The following RNF212B variants were observed in gnomAD, a reference collection of about 807,000 sequenced individuals.
The protein encoded by RNF212B is ring finger protein 212B.
In RNF212B, 52 loss-of-function variants were observed where a neutral mutation model predicts 55.5. The ratio of observed to expected loss-of-function variants is 0.94; its 90% CI spans 0.75 to 1.18. The LOEUF (loss-of-function observed/expected upper bound fraction) is 1.18. RNF212B is among the 50% of genes most tolerant of loss of function. The pLI is 0.00. For missense variants in RNF212B, 289 were observed against 350.4 expected, an observed-to-expected ratio of 0.82 and a Z score of 1.40; for synonymous variants, 99 against 121.4, an observed-to-expected ratio of 0.82 and a Z score of 1.21.
upstream of RNF212B, among the ~76,000 whole-genome samples, chr14:23,234,159 C>CTT (rs974270125): frequency 6.7e-6 from 1 of 148,594 alleles, no homozygotes; most frequent in Non-Finnish European, 1.5e-5. Flanking sequence ...CTGTTGGTCT[C>CTT]TTTTTTTTTT....
chr14:23,226,812 C>CTT (rs111452590), intron 2 of RNF212B, among the ~76,000 whole-genome samples: 5,409 of 128,692 alleles, frequency 0.042, 407 homozygotes, highest in African/African-American at 0.14. Context: ...TCTTCTTCTT[C>CTT]TTTTTTTTTT....
chr14:23,264,786 G>A, intron 11 of RNF212B, 115 bp downstream of exon 11: 1 of 475,258 alleles, frequency 2.1e-6, no homozygotes, highest in Non-Finnish European at 3.4e-6. Context: ...TTTCCTGACA[G>A]TGATTCCATG....
At chr14:23,261,651 T>C (rs1885300541) in intron 7 of RNF212B, among the ~76,000 whole-genome samples, 1 of 152,186 alleles carries the variant, frequency 6.6e-6, no homozygotes, top group Non-Finnish European at 1.5e-5. Flanking sequence ...ATCTATGCTC[T>C]ACCAACTCTT....
intron 2 of RNF212B, among the ~76,000 whole-genome samples, chr14:23,217,819 TCAGA>T (rs1213748070): frequency 6.6e-6 from 1 of 151,956 alleles, no homozygotes; most frequent in Non-Finnish European, 1.5e-5. Context: ...TCACCAGTTC[TCAGA>T]CACTGATGAA....
rs151221630 is a variant in RNF212B, at chr14:23,189,840, T to G, written c.-78-3485T>G. Among the ~76,000 whole-genome samples, 185 of 152,216 alleles carry G rather than the reference T, an allele frequency of 1.2e-3. 1 individual carries two copies. Among genetic ancestry groups the G allele is most frequent in the Middle Eastern group, 3.4e-3 (1 of 294 alleles). ...GTGAAAAAATGAACAGAACTTCCCT[T>G]GATGCTCTATTCCTTTCAGCTACCA... On this transcript the variant is annotated intron_variant, in intron 1 of 15. Transcript: ENST00000399910.
chr14:23,196,215 T>C (rs1878660133), intron 2 of RNF212B, among the ~76,000 whole-genome samples: 1 of 152,018 alleles, frequency 6.6e-6, no homozygotes, highest in Non-Finnish European at 1.5e-5. Flanking sequence ...TGCCGAAAAA[T>C]TTCTTTCTGA....
chr14:23,241,460 G>A (rs1040587045), intron 2 of RNF212B, among the ~76,000 whole-genome samples: 10 of 151,992 alleles, frequency 6.6e-5, no homozygotes, highest in Middle Eastern at 3.2e-3. Flanking sequence ...GTCTCACTTC[G>A]TCACCCAGGC....
chr14:23,216,899 A>AAAAAAAAAAAAAC, intron 2 of RNF212B, among the ~76,000 whole-genome samples: 2 of 151,338 alleles, frequency 1.3e-5, no homozygotes, highest in Admixed American at 1.3e-4. Flanking sequence ...AAAAAAAAAA[A>AAAAAAAAAAAAAC]AAAAAGACCA....
intron 11 of RNF212B, among the ~76,000 whole-genome samples, chr14:23,267,147 C>A (rs1885764318): frequency 6.6e-6 from 1 of 151,290 alleles, no homozygotes; most frequent in Admixed American, 6.6e-5. Context: ...TTTTTTATTT[C>A]AATTTTCATG....
intron 4 of RNF212B, among the ~76,000 whole-genome samples, chr14:23,257,508 T>C (rs1566434578): frequency 6.6e-6 from 1 of 152,074 alleles, no homozygotes; most frequent in Non-Finnish European, 1.5e-5. Flanking sequence ...GAAAATTAAG[T>C]GAGAACAAAA....
At chr14:23,259,107 G>A (rs1566435936) in intron 5 of RNF212B, among the ~76,000 whole-genome samples, 1 of 151,760 alleles carries the variant, frequency 6.6e-6, no homozygotes, top group Admixed American at 6.6e-5. Context: ...CCAGAAGATC[G>A]TTTGAGCCCA....
intron 4 of RNF212B, among the ~76,000 whole-genome samples, chr14:23,256,663 C>T (rs748299956): frequency 1.3e-5 from 2 of 152,122 alleles, no homozygotes; most frequent in African/African-American, 4.8e-5. Context: ...TGAGCCACCA[C>T]GCCTGGCCTC....
Position 23,268,923 on chromosome 14 carries a change from G to A in RNF212B, c.635-1G>A, listed in dbSNP as rs773704853. ...CACAGGCTTATTTTTATGCTTTCCAGAAACCCCTTCACCGGCTTCAACTCA... is the reference window on the plus strand; with the variant it reads ...CACAGGCTTATTTTTATGCTTTCCAAAAACCCCTTCACCGGCTTCAACTCA... On this transcript the variant is annotated splice_acceptor_variant, in intron 11 of 14. Coordinates refer to ENST00000430154, the MANE Select transcript of RNF212B (RefSeq NM_001282322.3). LOFTEE classifies it high-confidence loss of function. The A allele has an allele frequency of 1.2e-5, 18 of 1,550,072 alleles. No individual in the cohort carries two copies. Among genetic ancestry groups the A allele is most frequent in the Non-Finnish European group, 1.4e-5 (16 of 1,146,408 alleles).
At chr14:23,227,457 C>T (rs1882135288) in intron 2 of RNF212B, among the ~76,000 whole-genome samples, 1 of 151,958 alleles carries the variant, frequency 6.6e-6, no homozygotes, top group Non-Finnish European at 1.5e-5. Context: ...TGGCTGATTA[C>T]ATGGGTGTGT....
intron 2 of RNF212B, among the ~76,000 whole-genome samples, chr14:23,200,908 T>A (rs974114849): frequency 2.6e-5 from 4 of 152,226 alleles, no homozygotes; most frequent in African/African-American, 9.6e-5. Flanking sequence ...TGCAACTAAC[T>A]GTATTGCCAA....
chr14:23,205,968 T>C (rs1002223082), intron 2 of RNF212B, among the ~76,000 whole-genome samples: 1 of 152,238 alleles, frequency 6.6e-6, no homozygotes, highest in Non-Finnish European at 1.5e-5. Context: ...GCAAACAAAG[T>C]GTATGCTGGC....
chr14:23,268,043 T>C (rs750775625), intron 11 of RNF212B, among the ~76,000 whole-genome samples: 5 of 152,220 alleles, frequency 3.3e-5, no homozygotes, highest in Non-Finnish European at 7.3e-5. Flanking sequence ...CCAGCTGATA[T>C]TTATCTCCTT....
chr14:23,271,449 A>G (rs1261547389), intron 14 of RNF212B, among the ~76,000 whole-genome samples: 1 of 151,564 alleles, frequency 6.6e-6, no homozygotes, highest in African/African-American at 2.4e-5. Context: ...TCTCAAAAAA[A>G]AAAAGAAAAA....
At chr14:23,216,164 T>A (rs951255648) in intron 2 of RNF212B, among the ~76,000 whole-genome samples, 9 of 152,108 alleles carry the variant, frequency 5.9e-5, no homozygotes, top group Non-Finnish European at 4.4e-5. Context: ...GAGAATGGCG[T>A]GAACCTGGGA....
Sources: allele counts gnomAD v4.1 joint callset (sites outside exome capture counted in the v4.1 genomes callset), GRCh38; gene constraint gnomAD v4.1.1; transcripts MANE v1.5; gene names NCBI Gene and HGNC (gene_info 2026-07-23, HGNC 2026-07-21).